The following AGBL1 variants were observed in gnomAD, a reference collection of about 807,000 sequenced individuals.
AGBL1 encodes cytosolic carboxypeptidase 4.
Under a neutral mutation model 118.9 loss-of-function variants are expected in AGBL1, and 130 were observed. The ratio of observed to expected loss-of-function variants is 1.09; its 90% CI spans 0.95 to 1.26. The LOEUF (loss-of-function observed/expected upper bound fraction) is 1.26, where lower values mean the gene tolerates loss of function less well. AGBL1 is among the 50% of genes most tolerant of loss of function. The pLI is 0.00. For missense variants in AGBL1, 1,584 were observed against 1,298.1 expected, an observed-to-expected ratio of 1.22 and a Z score of -3.38; for synonymous variants, 555 against 478.9, an observed-to-expected ratio of 1.16 and a Z score of -2.08.
chr15:86,507,662 C>A (rs1268046986), intron 18 of AGBL1, among the ~76,000 whole-genome samples: 2 of 151,978 alleles, frequency 1.3e-5, no homozygotes, highest in African/African-American at 4.8e-5. Flanking sequence ...GACATTTGAA[C>A]AGAAACTTGA....
Position 86,151,326 on chromosome 15 carries a change from C to T in AGBL1, c.263-3104C>T, listed in dbSNP as rs565584222. ...TAAAAAAAAAAAAAAAAAGCTTATC[C>T]ACCACAATCAAGTCAGCTTCATCCC... On this transcript the variant is annotated intron_variant, in intron 3 of 22. Transcript: ENST00000614907. Among the ~76,000 whole-genome samples, 120 of 149,414 alleles carry T rather than the reference C, an allele frequency of 8.0e-4. 1 individual carries two copies. The highest frequency in any genetic ancestry group is 2.9e-3 in the African/African-American group (116 of 40,666).
At chr15:86,629,394 G>T (rs2084932570) in intron 21 of AGBL1, among the ~76,000 whole-genome samples, 1 of 152,130 alleles carries the variant, frequency 6.6e-6, no homozygotes, top group African/African-American at 2.4e-5. Context: ...GAGCTGGCAT[G>T]AGTCTTATGA....
chr15:87,015,907 A>C (rs1392861095), intron 24 of AGBL1, among the ~76,000 whole-genome samples: 1 of 152,146 alleles, frequency 6.6e-6, no homozygotes, highest in South Asian at 2.1e-4. Context: ...AAATTTGCCA[A>C]CTGCAGAGTA....
chr15:86,706,594 G>T (rs903146571), intron 22 of AGBL1, among the ~76,000 whole-genome samples: 2 of 152,008 alleles, frequency 1.3e-5, no homozygotes, highest in African/African-American at 4.8e-5. Context: ...ATTCCCTAAG[G>T]CTCGCGATTT....
chr15:86,795,482 C>T (rs138665969), intron 22 of AGBL1, among the ~76,000 whole-genome samples: 1 of 151,978 alleles, frequency 6.6e-6, no homozygotes. Flanking sequence ...GACTTAGATC[C>T]AATGTGATGT....
At position 86,158,930 on chromosome 15, in the gene AGBL1, T is replaced by C; in HGVS notation, c.395-3T>C. On this transcript the variant is annotated splice_polypyrimidine_tract_variant and splice_region_variant and intron_variant, in intron 4 of 22. Coordinates refer to ENST00000614907, the MANE Select transcript of AGBL1 (RefSeq NM_001386094.1). ...ATAACTACTGTGCTTTTGTTTTTCT[T>C]AGTCTCCATGGGAGCCATGCTGGGA... The C allele has an allele frequency of 6.2e-7, 1 of 1,613,032 alleles. No homozygotes were observed. Among genetic ancestry groups the C allele is most frequent in the Non-Finnish European group, 8.5e-7 (1 of 1,179,182 alleles).
chr15:86,233,421 AT>A (rs1487533790), intron 6 of AGBL1, among the ~76,000 whole-genome samples: 1 of 151,828 alleles, frequency 6.6e-6, no homozygotes, highest in Non-Finnish European at 1.5e-5. Flanking sequence ...TTTGAGGGAA[AT>A]TGCATGCATA....
intron 24 of AGBL1, among the ~76,000 whole-genome samples, chr15:87,004,235 T>C (rs934135285): frequency 6.6e-6 from 1 of 152,158 alleles, no homozygotes; most frequent in Non-Finnish European, 1.5e-5. Flanking sequence ...CCAGTAGTCA[T>C]TCAGGAGCAG....
chr15:86,561,765 A>G (rs566204509), intron 21 of AGBL1, among the ~76,000 whole-genome samples: 1 of 152,228 alleles, frequency 6.6e-6, no homozygotes, highest in African/African-American at 2.4e-5. Flanking sequence ...TTTTCATGAC[A>G]TTGATTCTTC....
intron 22 of AGBL1, among the ~76,000 whole-genome samples, chr15:86,887,554 A>G (rs964197100): frequency 1.3e-5 from 2 of 152,224 alleles, no homozygotes; most frequent in Non-Finnish European, 2.9e-5. Context: ...TTATGAGTTG[A>G]GTGAGGAGGA....
chr15:86,813,284 G>A (rs112244572), intron 22 of AGBL1, among the ~76,000 whole-genome samples: 6 of 152,104 alleles, frequency 3.9e-5, no homozygotes, highest in East Asian at 1.9e-4. Flanking sequence ...ATGGAGCTCC[G>A]CTGTGCTATT....
intron 17 of AGBL1, among the ~76,000 whole-genome samples, chr15:86,386,889 T>A (rs551581481): frequency 2.2e-4 from 34 of 152,270 alleles, no homozygotes; most frequent in Admixed American, 6.5e-4. Flanking sequence ...ATTCTTTGAA[T>A]GAATGAATGA....
chr15:86,707,763 ATTG>A (rs1177725302), intron 22 of AGBL1, among the ~76,000 whole-genome samples: 1 of 152,168 alleles, frequency 6.6e-6, no homozygotes, highest in Admixed American at 6.6e-5. Context: ...CTGAAAGACT[ATTG>A]TTATCATGAG....
At chr15:86,245,304 T>C (rs1452952054) in intron 6 of AGBL1, among the ~76,000 whole-genome samples, 1 of 152,214 alleles carries the variant, frequency 6.6e-6, no homozygotes, top group Non-Finnish European at 1.5e-5. Context: ...AAATTTTGCT[T>C]ATCTGATTAT....
At chr15:86,864,124 G>C (rs1252583107) in intron 22 of AGBL1, among the ~76,000 whole-genome samples, 5 of 152,140 alleles carry the variant, frequency 3.3e-5, no homozygotes, top group African/African-American at 1.2e-4. Context: ...CTCTGAAATA[G>C]CTGCCAGAGG....
At position 86,692,117 on chromosome 15, in the gene AGBL1, G is replaced by A. The variant is rs370692380; in HGVS notation, c.3158+17681G>A. On this transcript the variant is annotated intron_variant, in intron 22 of 22. Coordinates refer to ENST00000614907, the MANE Select transcript of AGBL1 (RefSeq NM_001386094.1). ...GGTGTGAACCCGGGAGGCGGAGCTT[G>A]CAGTGAGCTGACATTGCACCACTGC... Among the ~76,000 whole-genome samples, 214 of 152,022 alleles carry A rather than the reference G, an allele frequency of 1.4e-3. 1 individual carries two copies. Among genetic ancestry groups the A allele is most frequent in the African/African-American group, 5.0e-3 (209 of 41,474 alleles).
chr15:86,245,698 G>T (rs1452116248), intron 6 of AGBL1, among the ~76,000 whole-genome samples: 4 of 152,178 alleles, frequency 2.6e-5, no homozygotes, highest in Non-Finnish European at 5.9e-5. Flanking sequence ...ACACAGAGAA[G>T]TCAAGGAGTT....
chr15:86,484,248 G>T (rs1192211727), intron 18 of AGBL1, among the ~76,000 whole-genome samples: 1 of 152,074 alleles, frequency 6.6e-6, no homozygotes, highest in Non-Finnish European at 1.5e-5. Context: ...AAACCATGAG[G>T]GGAAGGCTGA....
chr15:87,006,003 A>G (rs1044470729), intron 24 of AGBL1, among the ~76,000 whole-genome samples: 2 of 152,232 alleles, frequency 1.3e-5, no homozygotes, highest in South Asian at 4.1e-4. Flanking sequence ...AGGCTGCAGA[A>G]CAGCAAATAT....
Sources: allele counts gnomAD v4.1 joint callset (sites outside exome capture counted in the v4.1 genomes callset), GRCh38; gene constraint gnomAD v4.1.1; transcripts MANE v1.5; gene names NCBI Gene and HGNC (gene_info 2026-07-23, HGNC 2026-07-21).